Variants in GRM7 observed in about 807,000 individuals in gnomAD.
GRM7 encodes glutamate metabotropic receptor 7, also known as metabotropic glutamate receptor 7.
In GRM7, 35 loss-of-function variants were observed where a neutral mutation model predicts 84.5. The ratio of observed to expected loss-of-function variants is 0.41; its 90% CI spans 0.32 to 0.55. GRM7 has a LOEUF of 0.55. Among genes scored for constraint, GRM7 ranks in the 20% least tolerant of loss-of-function variants. The pLI is 0.19. For synonymous variants in GRM7, 487 were observed against 455.1 expected, an observed-to-expected ratio of 1.07 and a Z score of -0.89; for missense variants, 1,003 against 1,194.6, an observed-to-expected ratio of 0.84 and a Z score of 2.36.
chr3:6,913,670 A>T (rs923104166), intron 1 of GRM7, among the ~76,000 whole-genome samples: 1 of 152,140 alleles, frequency 6.6e-6, no homozygotes, highest in African/African-American at 2.4e-5. Context: ...TCATAAAGTG[A>T]TGTTTCTAGT....
intron 9 of GRM7, among the ~76,000 whole-genome samples, chr3:7,729,601 C>T (rs1469555641): frequency 1.3e-5 from 2 of 152,118 alleles, no homozygotes; most frequent in Non-Finnish European, 2.9e-5. Context: ...AGGTAACTAA[C>T]GCTGTATTTT....
intron 1 of GRM7, among the ~76,000 whole-genome samples, chr3:6,872,601 A>C (rs540017960): frequency 6.1e-4 from 93 of 151,908 alleles, no homozygotes; most frequent in Non-Finnish European, 1.1e-3. Flanking sequence ...TCCTAATGCT[A>C]TCCCTCCCTT....
At chr3:7,184,528 G>A (rs1175855875) in intron 2 of GRM7, among the ~76,000 whole-genome samples, 3 of 151,926 alleles carry the variant, frequency 2.0e-5, no homozygotes, top group Non-Finnish European at 4.4e-5. Flanking sequence ...GCTCTATTCA[G>A]ATATAATTCT....
At chr3:7,243,066 G>T (rs958105608) in intron 2 of GRM7, among the ~76,000 whole-genome samples, 3 of 152,180 alleles carry the variant, frequency 2.0e-5, no homozygotes, top group African/African-American at 7.2e-5. Flanking sequence ...TCATGGCAAA[G>T]ATAGAAGGTG....
intron 1 of GRM7, among the ~76,000 whole-genome samples, chr3:7,052,506 G>A (rs73112848): frequency 0.13 from 19,751 of 151,376 alleles, 1,924 homozygotes; most frequent in African/African-American, 0.28. Context: ...CTCTTCCATT[G>A]TCCTCCAATT....
intron 2 of GRM7, among the ~76,000 whole-genome samples, chr3:7,293,298 T>C (rs1699700021): frequency 6.6e-6 from 1 of 152,160 alleles, no homozygotes; most frequent in African/African-American, 2.4e-5. Flanking sequence ...TTGCTAAAGA[T>C]TGCTAGCTAC....
chr3:6,947,781 G>C (rs147309479), intron 1 of GRM7, among the ~76,000 whole-genome samples: 2 of 152,058 alleles, frequency 1.3e-5, no homozygotes, highest in Non-Finnish European at 2.9e-5. Context: ...GTTTAGTCTT[G>C]GGAGAGTGTA....
intron 4 of GRM7, among the ~76,000 whole-genome samples, chr3:7,322,539 T>C (rs1700823558): frequency 6.6e-6 from 1 of 151,996 alleles, no homozygotes; most frequent in Admixed American, 6.6e-5. Context: ...GTGTATTCTT[T>C]TATCCCTTGC....
At chr3:6,953,444 T>TTGACAAACA (rs1692879455) in intron 1 of GRM7, among the ~76,000 whole-genome samples, 1 of 152,214 alleles carries the variant, frequency 6.6e-6, no homozygotes, top group Admixed American at 6.5e-5. Flanking sequence ...TCACCATCTC[T>TTGACAAACA]TGACAAACAT....
chr3:7,267,035 A>G (rs1005374364), intron 2 of GRM7, among the ~76,000 whole-genome samples: 4 of 152,200 alleles, frequency 2.6e-5, no homozygotes, highest in Non-Finnish European at 4.4e-5. Context: ...TGATCTTCCT[A>G]TCTGGTGCTT....
At chr3:7,294,310 C>A (rs990596708) in intron 2 of GRM7, among the ~76,000 whole-genome samples, 1 of 152,096 alleles carries the variant, frequency 6.6e-6, no homozygotes, top group Admixed American at 6.5e-5. Context: ...AATTATACCC[C>A]TTCTGTTGCT....
intron 1 of GRM7, among the ~76,000 whole-genome samples, chr3:7,116,746 C>T (rs920307021): frequency 6.6e-6 from 1 of 152,004 alleles, no homozygotes; most frequent in African/African-American, 2.4e-5. Flanking sequence ...TTATTTCTTC[C>T]TTTAAAAAAT....
intron 2 of GRM7, among the ~76,000 whole-genome samples, chr3:7,193,745 A>G (rs1003923166): frequency 6.6e-6 from 1 of 151,968 alleles, no homozygotes; most frequent in Admixed American, 6.6e-5. Context: ...TGATTTATTA[A>G]GTTAAAAACA....
At chr3:7,360,425 A>G (rs1392259121) in intron 4 of GRM7, among the ~76,000 whole-genome samples, 2 of 125,048 alleles carry the variant, frequency 1.6e-5, no homozygotes, top group Admixed American at 7.9e-5. Flanking sequence ...TTTGAACTAT[A>G]ATGCATCAGA....
At position 7,673,946 on chromosome 3, in the gene GRM7, T is replaced by A. The variant is rs3804842; in HGVS notation, c.2452-6103T>A. On this transcript the variant is annotated intron_variant, in intron 8 of 9. Coordinates refer to ENST00000357716, the MANE Select transcript of GRM7 (RefSeq NM_000844.4). ...CTACACAGCACACACTGACCTCTCC[T>A]AAGCAGACCAGGTTAAGTACTGTAT... 4.7e-3 allele frequency among the ~76,000 whole-genome samples: 715 copies of A among 152,260 alleles called. 18 individuals are homozygous for A. In the East Asian group the frequency reaches 0.092, roughly 20 times the overall value.
chr3:7,177,954 C>G (rs1452376216), intron 2 of GRM7, among the ~76,000 whole-genome samples: 1 of 151,944 alleles, frequency 6.6e-6, no homozygotes, highest in Non-Finnish European at 1.5e-5. Context: ...TTCAAAATAC[C>G]CAGTCCTATG....
intron 1 of GRM7, among the ~76,000 whole-genome samples, chr3:7,094,621 A>G (rs920813883): frequency 4.6e-5 from 7 of 152,164 alleles, no homozygotes; most frequent in Non-Finnish European, 8.8e-5. Context: ...ACATGAAAAC[A>G]TATTATATAG....
chr3:7,591,267 T>A (rs1695770453), intron 8 of GRM7, among the ~76,000 whole-genome samples: 1 of 152,146 alleles, frequency 6.6e-6, no homozygotes, highest in Non-Finnish European at 1.5e-5. Context: ...AGGAATTGAT[T>A]TTGAAGTTAT....
intron 1 of GRM7, among the ~76,000 whole-genome samples, chr3:7,099,451 A>T (rs1008879852): frequency 6.7e-6 from 1 of 149,290 alleles, no homozygotes; most frequent in Non-Finnish European, 1.5e-5. Context: ...ACATATGTAC[A>T]TGTACATACA....
Sources: allele counts gnomAD v4.1 joint callset (sites outside exome capture counted in the v4.1 genomes callset), GRCh38; gene constraint gnomAD v4.1.1; transcripts MANE v1.5; gene names NCBI Gene and HGNC (gene_info 2026-07-23, HGNC 2026-07-21).